Variants in ALCAM observed in about 807,000 individuals in gnomAD.
ALCAM encodes CD166 antigen.
Under a neutral mutation model 70.9 loss-of-function variants are expected in ALCAM, and 30 were observed. The observed-to-expected ratio is 0.42, with a 90% CI of 0.32 to 0.57. The LOEUF (loss-of-function observed/expected upper bound fraction) is 0.57, where lower values mean the gene tolerates loss of function less well. ALCAM is among the 20% of genes least tolerant of loss of function. The pLI, the probability that ALCAM is intolerant of heterozygous loss-of-function variation, is 0.11. For synonymous variants in ALCAM, 249 were observed against 242.5 expected, an observed-to-expected ratio of 1.03 and a Z score of -0.25; for missense variants, 591 against 695.1, an observed-to-expected ratio of 0.85 and a Z score of 1.68.
chr3:105,506,873 C>G (rs1323239753), intron 1 of ALCAM, among the ~76,000 whole-genome samples: 1 of 152,204 alleles, frequency 6.6e-6, no homozygotes, highest in Non-Finnish European at 1.5e-5. Flanking sequence ...TCTTGTTCAT[C>G]AGAGGTTTTG....
At chr3:105,510,859 A>G (rs553311822) in intron 1 of ALCAM, among the ~76,000 whole-genome samples, 1 of 152,166 alleles carries the variant, frequency 6.6e-6, no homozygotes, top group East Asian at 1.9e-4. Flanking sequence ...TTGCAGAATA[A>G]ATATAAGACA....
intron 6 of ALCAM, among the ~76,000 whole-genome samples, chr3:105,538,593 G>A (rs1452914473): frequency 6.6e-6 from 1 of 152,064 alleles, no homozygotes; most frequent in African/African-American, 2.4e-5. Context: ...TGCCATCCCT[G>A]GCTGTTCTGT....
intron 1 of ALCAM, among the ~76,000 whole-genome samples, chr3:105,414,109 G>A (rs1238065963): frequency 6.6e-6 from 1 of 151,952 alleles, no homozygotes; most frequent in Non-Finnish European, 1.5e-5. Context: ...ATGAAGAAAT[G>A]CATAAATGGT....
intron 1 of ALCAM, chr3:105,513,496 A>G (rs1359499870): frequency 6.6e-6 from 1 of 152,006 alleles, no homozygotes; most frequent in Non-Finnish European, 1.5e-5. Context: ...AAATCACCAC[A>G]GTGCTCCCCT....
intron 1 of ALCAM, among the ~76,000 whole-genome samples, chr3:105,407,013 A>T (rs1029991200): frequency 1.3e-5 from 2 of 152,136 alleles, no homozygotes; most frequent in Admixed American, 1.3e-4. Context: ...AGGAAGATAC[A>T]GAATCTCTGA....
At chr3:105,368,184 T>C (rs1935120686) in intron 1 of ALCAM, among the ~76,000 whole-genome samples, 1 of 137,442 alleles carries the variant, frequency 7.3e-6, no homozygotes. Flanking sequence ...CAGGACCTGC[T>C]CATAGAGCCT....
intron 1 of ALCAM, among the ~76,000 whole-genome samples, chr3:105,481,642 T>C (rs1411947074): frequency 2.0e-5 from 3 of 152,174 alleles, no homozygotes; most frequent in African/African-American, 7.2e-5. Flanking sequence ...TTTTAAATGA[T>C]ATCCTTACAA....
At chr3:105,472,286 A>G (rs930375350) in intron 1 of ALCAM, among the ~76,000 whole-genome samples, 6 of 151,508 alleles carry the variant, frequency 4.0e-5, no homozygotes, top group African/African-American at 1.2e-4. Context: ...AAGGCAATAT[A>G]CATAGAAATC....
chr3:105,431,310 G>T (rs927466106), intron 1 of ALCAM, among the ~76,000 whole-genome samples: 8 of 152,102 alleles, frequency 5.3e-5, no homozygotes, highest in Admixed American at 3.3e-4. Context: ...CTTGGGCAGG[G>T]CTCACTCATA....
At chr3:105,557,165 G>C in intron 14 of ALCAM, among the ~76,000 whole-genome samples, 1 of 150,812 alleles carries the variant, frequency 6.6e-6, no homozygotes, top group East Asian at 1.9e-4. Context: ...TGATCTTAAG[G>C]GCAGGCTGAC....
In ALCAM at chr3:105,389,861, T is replaced by C. The variant is rs114489397; in HGVS notation, c.73+22380T>C. ...GTTTGGCTTTCTGTTCCTGCATTACTTTCCTAAGGATAATGGCTTCCCACT... is the reference window on the plus strand; with the variant it reads ...GTTTGGCTTTCTGTTCCTGCATTACCTTCCTAAGGATAATGGCTTCCCACT... On this transcript the variant is annotated intron_variant, in intron 1 of 15. Coordinates refer to ENST00000306107, the MANE Select transcript of ALCAM (RefSeq NM_001627.4). Among the ~76,000 whole-genome samples, 844 of 151,916 alleles carry C rather than the reference T, an allele frequency of 5.6e-3. 7 individuals are homozygous for C. The highest frequency in any genetic ancestry group is 0.02 in the African/African-American group (814 of 41,502).
intron 1 of ALCAM, among the ~76,000 whole-genome samples, chr3:105,505,741 T>C (rs1457354190): frequency 6.6e-6 from 1 of 152,234 alleles, no homozygotes; most frequent in African/African-American, 2.4e-5. Flanking sequence ...AAATAACTTA[T>C]TAAATTCTAA....
intron 15 of ALCAM, among the ~76,000 whole-genome samples, chr3:105,573,192 T>G (rs768486784): frequency 6.6e-6 from 1 of 152,082 alleles, no homozygotes; most frequent in Non-Finnish European, 1.5e-5. Flanking sequence ...CCAGTCCTGG[T>G]GGCAAGCACC....
At chr3:105,491,488 C>T (rs1938585468) in intron 1 of ALCAM, among the ~76,000 whole-genome samples, 1 of 152,176 alleles carries the variant, frequency 6.6e-6, no homozygotes, top group Non-Finnish European at 1.5e-5. Flanking sequence ...AACTTTTATG[C>T]TTTGCTTCTG....
rs78532285 is a variant in ALCAM, at chr3:105,484,659, G to A, written c.74-35408G>A. On this transcript the variant is annotated intron_variant, in intron 1 of 15. Coordinates refer to ENST00000306107, the MANE Select transcript of ALCAM (RefSeq NM_001627.4). ...GAAGATCTAAGGATATTAATACATA[G>A]TAATACGAGGGTCAGGCCAATCAAA... is the stretch of plus-strand genomic sequence containing the variant. 2.5e-3 allele frequency among the ~76,000 whole-genome samples: 381 copies of A among 152,158 alleles called. 2 individuals are homozygous for A. The East Asian group carries it at 0.033, about 13-fold the overall frequency.
At chr3:105,381,940 T>TTTA (rs921175198) in intron 1 of ALCAM, among the ~76,000 whole-genome samples, 4 of 151,286 alleles carry the variant, frequency 2.6e-5, no homozygotes, top group South Asian at 2.1e-4. Context: ...TTTTTTCTTT[T>TTTA]TTATTATTAT....
intron 6 of ALCAM, among the ~76,000 whole-genome samples, chr3:105,535,500 T>A (rs1169944381): frequency 1.3e-5 from 2 of 152,120 alleles, no homozygotes; most frequent in East Asian, 3.9e-4. Context: ...CCCAGCATTA[T>A]CAATTACCAT....
intron 1 of ALCAM, among the ~76,000 whole-genome samples, chr3:105,439,110 T>A (rs1197019944): frequency 6.6e-6 from 1 of 152,182 alleles, no homozygotes; most frequent in Admixed American, 6.5e-5. Context: ...AAACTATGGC[T>A]TCCTAGTTGC....
chr3:105,565,486 A>G (rs970053665), intron 14 of ALCAM, among the ~76,000 whole-genome samples: 8 of 152,102 alleles, frequency 5.3e-5, no homozygotes, highest in Non-Finnish European at 1.0e-4. Context: ...CTTTATTTTC[A>G]GTCTTCTCTT....
Sources: gnomAD v4.1 joint callset for allele counts (sites outside exome capture counted in the v4.1 genomes callset) on GRCh38, gnomAD v4.1.1 for gene constraint, MANE v1.5 for transcripts, NCBI Gene and HGNC (gene_info 2026-07-23, HGNC 2026-07-21) for gene names.